Variants in COL5A1 observed in about 807,000 individuals in gnomAD.
COL5A1 encodes the protein collagen type V alpha 1 chain, also known as collagen alpha-1(V) chain.
COL5A1 carries 16 observed loss-of-function variants against 263.7 expected under a neutral mutation model. The observed-to-expected ratio is 0.06, with a 90% confidence interval of 0.04 to 0.09. The LOEUF (loss-of-function observed/expected upper bound fraction) is 0.09, where lower values mean the gene tolerates loss of function less well. Among genes scored for constraint, COL5A1 ranks in the 10% least tolerant of loss-of-function variants. The pLI is 1.00. For missense variants in COL5A1, 2,036 were observed against 2,540.5 expected, an observed-to-expected ratio of 0.80 and a Z score of 4.27; for synonymous variants, 1,012 against 1,004.5, an observed-to-expected ratio of 1.01 and a Z score of -0.14.
chr9:134,750,465 G>T, intron 11 of COL5A1, 77 bp from the exon 12 acceptor site: 1 of 1,357,392 alleles, frequency 7.4e-7, no homozygotes, highest in South Asian at 1.2e-5. Context: ...CCGCTTCTCC[G>T]ACGCCCTCAT....
intron 62 of COL5A1, among the ~76,000 whole-genome samples, chr9:134,825,341 C>G (rs1393850099): frequency 6.6e-6 from 1 of 152,208 alleles, no homozygotes; most frequent in Non-Finnish European, 1.5e-5. Context: ...CCATCATAGC[C>G]TCAGGCACCA....
At position 134,728,489 on chromosome 9, in the gene COL5A1, C is replaced by T. The variant is rs111936833; in HGVS notation, c.787-181C>T. The stretch of plus-strand genomic sequence containing the variant: ...CTCTCTTGTGCTTCTGATGAGGCTG[C>T]GTCAGCTTTCCAAGGAGCTGGAGAG... On this transcript the variant is annotated intron_variant, in intron 5 of 65. Transcript: ENST00000371817. Among the ~76,000 whole-genome samples, 3,901 of 152,306 alleles carry T rather than the reference C, an allele frequency of 0.026. 72 individuals are homozygous for T. The highest frequency in any genetic ancestry group is 0.037 in the Non-Finnish European group (2,537 of 68,018).
intron 64 of COL5A1, among the ~76,000 whole-genome samples, chr9:134,832,446 C>T (rs181884181): frequency 3.9e-5 from 6 of 152,270 alleles, no homozygotes; most frequent in Admixed American, 3.9e-4. Flanking sequence ...GGAATTTTAT[C>T]TGGGCAGGGC....
intron 11 of COL5A1, among the ~76,000 whole-genome samples, chr9:134,749,193 C>G (rs1835685365): frequency 6.6e-6 from 1 of 152,160 alleles, no homozygotes; most frequent in African/African-American, 2.4e-5. Flanking sequence ...TGAGATCATG[C>G]CACTGCACTC....
chr9:134,840,791 G>A (rs528350223), intron 65 of COL5A1, among the ~76,000 whole-genome samples: 4 of 152,322 alleles, frequency 2.6e-5, no homozygotes, highest in African/African-American at 9.6e-5. Context: ...ACAGGGTGGA[G>A]TCTCTCGGGT....
At chr9:134,683,948 C>T (rs2132535528) in intron 1 of COL5A1, among the ~76,000 whole-genome samples, 1 of 152,344 alleles carries the variant, frequency 6.6e-6, no homozygotes, top group East Asian at 1.9e-4. Context: ...GATGGTGGTG[C>T]TATGGAGCGT....
chr9:134,690,313 G>A (rs879543264), intron 1 of COL5A1, among the ~76,000 whole-genome samples: 1 of 35,448 alleles, frequency 2.8e-5, no homozygotes, highest in Non-Finnish European at 1.5e-4. Context: ...GGATAATGAC[G>A]GGGGGATAAA....
At chr9:134,823,631 C>A (rs1421345249) in intron 61 of COL5A1, among the ~76,000 whole-genome samples, 162 bp downstream of exon 61, 1 of 152,232 alleles carries the variant, frequency 6.6e-6, no homozygotes, top group Non-Finnish European at 1.5e-5. Context: ...ATGAGCCACA[C>A]AGGTCTATCA....
intron 11 of COL5A1, among the ~76,000 whole-genome samples, chr9:134,748,496 G>A (rs1835656827): frequency 6.6e-6 from 1 of 152,222 alleles, no homozygotes; most frequent in African/African-American, 2.4e-5. Context: ...TAAATGCAAG[G>A]TTTGGTTTGG....
intron 2 of COL5A1, among the ~76,000 whole-genome samples, chr9:134,694,185 A>G (rs1456363387): frequency 3.3e-5 from 5 of 152,204 alleles, no homozygotes; most frequent in Non-Finnish European, 7.4e-5. Flanking sequence ...CTCCCCGAAG[A>G]GCTCACACAC....
chr9:134,732,355 G>A, intron 9 of COL5A1: 1 of 629,652 alleles, frequency 1.6e-6, no homozygotes. Context: ...GGGCGGGATA[G>A]GTGCTGATCA....
intron 2 of COL5A1, 94 bp downstream of exon 2, chr9:134,691,173 G>A (rs1833267221): frequency 2.0e-6 from 3 of 1,514,910 alleles, no homozygotes; most frequent in African/African-American, 2.7e-5. Context: ...GGTGGCAGAA[G>A]CGGGCTCAGC....
intron 64 of COL5A1, among the ~76,000 whole-genome samples, chr9:134,830,967 A>G (rs928632195): frequency 3.9e-5 from 6 of 152,190 alleles, no homozygotes; most frequent in African/African-American, 7.2e-5. Flanking sequence ...AAGGTTCCAG[A>G]ACACAAGACG....
At chr9:134,717,836 G>A in intron 4 of COL5A1, among the ~76,000 whole-genome samples, 1 of 152,178 alleles carries the variant, frequency 6.6e-6, no homozygotes, top group East Asian at 1.9e-4. Context: ...GATTCCTGTG[G>A]ACCCTGTTTC....
In COL5A1 at chr9:134,681,399, C is replaced by T. The variant is rs955375444; in HGVS notation, c.110-9513C>T. ...TCTGCGGGTGCCGGGCTGTGCGGGG[C>T]CCCTGCCCTCCTGCAGTTCACAGCC... On this transcript the variant is annotated intron_variant, in intron 1 of 65. Coordinates refer to ENST00000371817, the MANE Select transcript of COL5A1 (RefSeq NM_000093.5). This position sits in a 1 kb window ranked among gnomAD's most constrained non-coding sequence, Gnocchi z 4.3. 6.6e-6 allele frequency among the ~76,000 whole-genome samples: 1 copy of T among 152,246 alleles called. No individual in the cohort carries two copies. The highest frequency in any genetic ancestry group is 6.5e-5 in the Admixed American group (1 of 15,286).
chr9:134,780,979 T>A (rs994247881), intron 28 of COL5A1, among the ~76,000 whole-genome samples: 1 of 152,266 alleles, frequency 6.6e-6, no homozygotes, highest in Admixed American at 6.5e-5. Context: ...TCCCCTTTGC[T>A]GGGCAGACTC....
At chr9:134,822,720 G>GCCCCC (rs751574545) in intron 59 of COL5A1, among the ~76,000 whole-genome samples, 4 of 141,764 alleles carry the variant, frequency 2.8e-5, no homozygotes, top group African/African-American at 1.2e-4. Context: ...TTTCCGCTGC[G>GCCCCC]CCCCCCCCGC....
At position 134,758,828 on chromosome 9, in the gene COL5A1, G is replaced by A. The variant is rs192500199; in HGVS notation, c.1935+532G>A. Among the ~76,000 whole-genome samples, 34 of 152,244 alleles carry A rather than the reference G, an allele frequency of 2.2e-4. 1 individual carries two copies. Among genetic ancestry groups the A allele is most frequent in the Admixed American group, 1.8e-3 (28 of 15,304 alleles). The stretch of plus-strand genomic sequence containing the variant: ...TGTCCCGTGAGTCCCGAGCTAGTGC[G>A]GTGACCTGGGGGTCTTCCTGGCTGC... On this transcript the variant is annotated intron_variant, in intron 18 of 65. Coordinates refer to ENST00000371817, the MANE Select transcript of COL5A1 (RefSeq NM_000093.5). This position sits in a 1 kb window ranked among gnomAD's most constrained non-coding sequence, Gnocchi z 4.1.
At chr9:134,691,227 A>G in intron 2 of COL5A1, 148 bp downstream of exon 2, 1 of 959,798 alleles carries the variant, frequency 1.0e-6, no homozygotes, top group Admixed American at 2.2e-5. Context: ...GTTTCACTGT[A>G]GTGAAAAGGC....
Sources: allele counts gnomAD v4.1 joint callset (sites outside exome capture counted in the v4.1 genomes callset), GRCh38; gene constraint gnomAD v4.1.1; non-coding constraint Gnocchi (gnomAD v3.1); transcripts MANE v1.5; gene names NCBI Gene and HGNC (gene_info 2026-07-23, HGNC 2026-07-21).